TMEM131L: variants seen among roughly 807,000 people sequenced by gnomAD.
TMEM131L encodes transmembrane 131 like.
A neutral mutation model predicts 192.2 loss-of-function variants in TMEM131L; 54 were observed. The ratio of observed to expected loss-of-function variants is 0.28; its 90% CI spans 0.23 to 0.35. TMEM131L has a LOEUF of 0.35. Ranked by LOEUF, TMEM131L falls within the 10% of genes least tolerant of loss-of-function variation. The pLI is 1.00. For synonymous variants in TMEM131L, 701 were observed against 704.9 expected, an observed-to-expected ratio of 0.99 and a Z score of 0.09; for missense variants, 1,888 against 1,972.9, an observed-to-expected ratio of 0.96 and a Z score of 0.82.
At chr4:153,602,048 G>A (rs1296882845) in intron 21 of TMEM131L, 104 bp from the exon 22 acceptor site, 3 of 671,358 alleles carry the variant, frequency 4.5e-6, no homozygotes, top group Non-Finnish European at 7.0e-6. Context: ...TTTTAGTAAT[G>A]TAGATCATGG....
chr4:153,626,168 A>G lies in TMEM131L; in HGVS notation c.4067A>G (p.Asp1356Gly), dbSNP rs1459210827. ...GCAGGAGACAGTGTTTCACAAAATGATTTTCCTTCTGAAGCTCCCATCTCC... is the reference window on the plus strand; with the variant it reads ...GCAGGAGACAGTGTTTCACAAAATGGTTTTCCTTCTGAAGCTCCCATCTCC... ...LPAGDSVSQN[D>G]FPSEAPISLN... Residue 1356 changes from aspartate (D) to glycine (G), a missense_variant, in exon 30 of 35, where the codon GAT (aspartate) becomes GGT (glycine). Coordinates refer to ENST00000409959, the MANE Select transcript of TMEM131L (RefSeq NM_001131007.2). The G allele has an allele frequency of 6.2e-7, 1 of 1,611,990 alleles. No homozygotes were observed. The highest frequency in any genetic ancestry group is 2.2e-5 in the East Asian group (1 of 44,846).
chr4:153,516,444 C>T lies in TMEM131L; in HGVS notation c.240-33629C>T, dbSNP rs550721168. Among the ~76,000 whole-genome samples the T allele has an allele frequency of 9.2e-5, 14 of 152,200 alleles. No homozygotes were observed. The East Asian group carries it at 1.7e-3, about 19-fold the overall frequency. On this transcript the variant is annotated intron_variant, in intron 3 of 34. Transcript: ENST00000409959. ...AGGGTTTCGCCATATTACCCAGGCTCGTCTTGAAATCCTGGGCTCAAACAA... is the reference window on the plus strand; with the variant it reads ...AGGGTTTCGCCATATTACCCAGGCTTGTCTTGAAATCCTGGGCTCAAACAA...
At chr4:153,554,347 G>A (rs1737845492) in intron 4 of TMEM131L, 1 of 152,138 alleles carries the variant, frequency 6.6e-6, no homozygotes, top group Admixed American at 6.6e-5. Flanking sequence ...ATTGATGTTG[G>A]TATTTTATTT....
intron 3 of TMEM131L, among the ~76,000 whole-genome samples, chr4:153,520,909 C>T (rs897120943): frequency 2.6e-5 from 4 of 152,184 alleles, no homozygotes; most frequent in African/African-American, 4.8e-5. Flanking sequence ...TTTCAATCAA[C>T]GTCTTTGGAT....
At chr4:153,486,612 C>G (rs1339424515) in intron 3 of TMEM131L, among the ~76,000 whole-genome samples, 1 of 152,206 alleles carries the variant, frequency 6.6e-6, no homozygotes, top group Non-Finnish European at 1.5e-5. Context: ...GCTCCCCTCA[C>G]GTTTGCAGGA....
At chr4:153,603,586 G>A (rs535738924) in intron 24 of TMEM131L, 134 bp downstream of exon 24, 1 of 1,085,684 alleles carries the variant, frequency 9.2e-7, no homozygotes, top group Admixed American at 2.9e-5. Context: ...GTCATTATGT[G>A]AACAGCTGCC....
chr4:153,505,369 G>A (rs1441385274), intron 3 of TMEM131L, among the ~76,000 whole-genome samples: 2 of 152,066 alleles, frequency 1.3e-5, no homozygotes, highest in African/African-American at 2.4e-5. Context: ...ACCTCCCAAA[G>A]TGCTGGGATT....
At chr4:153,525,776 T>A (rs1735426694) in intron 3 of TMEM131L, among the ~76,000 whole-genome samples, 1 of 152,248 alleles carries the variant, frequency 6.6e-6, no homozygotes, top group South Asian at 2.1e-4. Context: ...CGCACAGGAA[T>A]CATCGAGGGA....
chr4:153,514,120 C>G (rs1398677457), intron 3 of TMEM131L, among the ~76,000 whole-genome samples: 1 of 152,154 alleles, frequency 6.6e-6, no homozygotes, highest in African/African-American at 2.4e-5. Context: ...GGTTTGAATT[C>G]TGGCTCACCC....
rs374682052 is a variant in TMEM131L at position 153,598,664 on chromosome 4, G to C, written c.2198G>C (p.Arg733Thr). ...GARELLKVGG[R>T]LPGAGGSLRF... Reference sequence around the variant, plus strand: ...AGAGAGTTATTAAAAGTGGGTGGAAGACTTCCTGGTGCAGGAGGCTCACTC... The same window carrying C: ...AGAGAGTTATTAAAAGTGGGTGGAACACTTCCTGGTGCAGGAGGCTCACTC... Residue 733 changes from arginine (R) to threonine (T), a missense_variant, in exon 21 of 35, where the codon AGA becomes ACA. Physicochemically the swap from Arg to Thr is moderately conservative, Grantham distance 71. Transcript: ENST00000409959. 2 of 1,614,022 alleles carry C rather than the reference G, an allele frequency of 1.2e-6. No homozygotes were observed. The highest frequency in any genetic ancestry group is 1.7e-6 in the Non-Finnish European group (2 of 1,179,938).
At chr4:153,622,825 T>A in intron 28 of TMEM131L, 73 bp from the exon 29 acceptor site, 1 of 1,486,142 alleles carries the variant, frequency 6.7e-7, no homozygotes, top group Non-Finnish European at 9.4e-7. Flanking sequence ...TCCTGTCACC[T>A]CTCTCTTTCT....
At position 153,602,568 on chromosome 4, in the gene TMEM131L, G is replaced by T. The variant is rs1481174984; in HGVS notation, c.2480G>T (p.Trp827Leu). The change falls in exon 23 of 35, where the codon TGG becomes TTG. Residue 827 changes from tryptophan to leucine, a missense_variant. Coordinates refer to ENST00000409959, the MANE Select transcript of TMEM131L (RefSeq NM_001131007.2). Reference protein sequence around the residue: ...IVFTPDFTSSWVIRDLSLVTA... With the variant: ...IVFTPDFTSSLVIRDLSLVTA... Reference sequence around the variant, plus strand: ...TTCACTCCAGACTTTACCTCCTCCTGGGTAATTCGGGACCTAAGTCTTGTA... The same window carrying T: ...TTCACTCCAGACTTTACCTCCTCCTTGGTAATTCGGGACCTAAGTCTTGTA... The T allele has an allele frequency of 6.2e-7, 1 of 1,614,072 alleles. No individual in the cohort carries two copies. Among genetic ancestry groups the T allele is most frequent in the Admixed American group, 1.7e-5 (1 of 60,010 alleles).
chr4:153,622,277 G>A (rs1273195804), intron 28 of TMEM131L, among the ~76,000 whole-genome samples: 1 of 152,182 alleles, frequency 6.6e-6, no homozygotes, highest in Non-Finnish European at 1.5e-5. Flanking sequence ...GGGACACCCA[G>A]TGCTGAGTCC....
At chr4:153,485,764 A>G (rs751372599) in intron 3 of TMEM131L, among the ~76,000 whole-genome samples, 5 of 152,234 alleles carry the variant, frequency 3.3e-5, no homozygotes, top group Non-Finnish European at 7.3e-5. Context: ...TCTTCAAATC[A>G]GGTCATGTTA....
chr4:153,603,469 T>C lies in TMEM131L; in HGVS notation c.2789+17T>C, dbSNP rs749815608. 21 of 1,607,302 alleles carry C rather than the reference T, an allele frequency of 1.3e-5. No individual in the cohort carries two copies. Among genetic ancestry groups the C allele is most frequent in the Non-Finnish European group, 1.5e-5 (18 of 1,177,130 alleles). ...TTCTTACAAGTAAGAATTCTTATAG[T>C]GTGGTTGGGAGCGGGGGCGGTTTCT... On this transcript the variant is annotated intron_variant, in intron 24 of 34. Transcript: ENST00000409959.
intron 3 of TMEM131L, among the ~76,000 whole-genome samples, chr4:153,542,127 T>C (rs1736833736): frequency 6.6e-6 from 1 of 152,218 alleles, no homozygotes; most frequent in Non-Finnish European, 1.5e-5. Context: ...AGCATTAATC[T>C]GTGGGTGATA....
rs147444337 is a variant in TMEM131L at position 153,505,784 on chromosome 4, T to A, written c.239+31896T>A. 2.0e-5 allele frequency among the ~76,000 whole-genome samples: 3 copies of A among 152,130 alleles called. No homozygotes were observed. The East Asian group carries it at 5.8e-4, about 29-fold the overall frequency. ...ACAAATTCAGAAAAAGAGAGCTAAT[T>A]TGGGGCCAGAATGGTGAGAGAGGGA... is the stretch of plus-strand genomic sequence containing the variant. On this transcript the variant is annotated intron_variant, in intron 3 of 34. Coordinates refer to ENST00000409959, the MANE Select transcript of TMEM131L (RefSeq NM_001131007.2).
chr4:153,535,156 G>A lies in TMEM131L; in HGVS notation c.240-14917G>A, dbSNP rs566706811. Among the ~76,000 whole-genome samples the A allele has an allele frequency of 7.2e-5, 11 of 152,334 alleles. No individual in the cohort carries two copies. In the East Asian group the frequency reaches 9.6e-4, roughly 13 times the overall value. On this transcript the variant is annotated intron_variant, in intron 3 of 34. Transcript: ENST00000409959. ...GTGTGGCAGTGGGCCTGGTGAAAGC[G>A]GAGCTCATGGGATTTCCGATGGATG...
At chr4:153,477,152 G>A (rs1417758305) in intron 3 of TMEM131L, among the ~76,000 whole-genome samples, 1 of 152,028 alleles carries the variant, frequency 6.6e-6, no homozygotes, top group East Asian at 1.9e-4. Flanking sequence ...GAGAAATCAT[G>A]GAGAGAGAGC....
Sources: allele counts gnomAD v4.1 joint callset (sites outside exome capture counted in the v4.1 genomes callset), GRCh38; gene constraint gnomAD v4.1.1; transcripts MANE v1.5; gene names NCBI Gene and HGNC (gene_info 2026-07-23, HGNC 2026-07-21).